Variants in SLC12A7 observed in about 807,000 individuals in gnomAD.
SLC12A7 encodes the protein solute carrier family 12 member 7, also known as K-Cl cotransporter 4.
A neutral mutation model predicts 120.6 loss-of-function variants in SLC12A7; 100 were observed. The ratio of observed to expected loss-of-function variants is 0.83; its 90% CI spans 0.71 to 0.98. The LOEUF is 0.98. Ranked by LOEUF, SLC12A7 falls within the 50% of genes least tolerant of loss-of-function variation. The probability of loss-of-function intolerance (pLI) is 0.00; values close to 1 mark genes in which losing one functional copy is unlikely to be tolerated. For missense variants in SLC12A7, 1,373 were observed against 1,548.1 expected (o/e 0.89, Z 1.90); for synonymous variants, 760 against 678.0 (o/e 1.12, Z -1.88).
chr5:1,051,098 C>A lies in SLC12A7; in HGVS notation c.*1262G>T. 1 of 396,324 alleles carries A rather than the reference C, an allele frequency of 2.5e-6. No individual in the cohort carries two copies. The highest frequency in any genetic ancestry group is 4.4e-6 in the Non-Finnish European group (1 of 225,184). The allele number at this position is 396,324 out of a possible 1,614,324, so 24.6% of individuals were successfully genotyped here. A position where few individuals can be genotyped will look rare whatever the true frequency, so the allele number is the denominator to read the frequency against. On this transcript the variant is annotated 3_prime_UTR_variant, in exon 24 of 24. Coordinates refer to ENST00000264930, the MANE Select transcript of SLC12A7 (RefSeq NM_006598.3). The stretch of plus-strand genomic sequence containing the variant: ...AGGGAGGCCCAAGTCGGTGCCACTG[C>A]CCGCAGCCTGCAAATGTGACCACAA...
intron 1 of SLC12A7, among the ~76,000 whole-genome samples, chr5:1,110,789 C>T (rs1437428752): frequency 6.6e-6 from 1 of 152,230 alleles, no homozygotes; most frequent in Non-Finnish European, 1.5e-5. Flanking sequence ...GGCCTCTGTG[C>T]AGAGGAAGCT....
the SLC12A7 span, among the ~76,000 whole-genome samples, chr5:1,152,824 C>G: frequency 3.9e-5 from 6 of 152,130 alleles, no homozygotes; most frequent in Non-Finnish European, 1.5e-5. Context: ...CTGACTTATC[C>G]CTGGGGCCTG....
intron 18 of SLC12A7, 126 bp downstream of exon 18, chr5:1,065,157 C>T (rs578155963): frequency 1.4e-4 from 109 of 754,780 alleles, no homozygotes; most frequent in Non-Finnish European, 1.8e-4. Flanking sequence ...ACAGTGGGGA[C>T]GAAAAGGGGA....
intron 17 of SLC12A7, among the ~76,000 whole-genome samples, chr5:1,068,573 G>A (rs186184758): frequency 5.9e-5 from 9 of 152,374 alleles, no homozygotes; most frequent in South Asian, 2.1e-4. Flanking sequence ...AAGGGAAGGC[G>A]GGGCCTGCGG....
intron 21 of SLC12A7, among the ~76,000 whole-genome samples, chr5:1,058,806 A>T (rs980485904): frequency 2.0e-5 from 3 of 152,138 alleles, no homozygotes; most frequent in African/African-American, 7.2e-5. Context: ...CTCTCGGCAG[A>T]GCCAGCGCCG....
rs923262323 is a variant in SLC12A7 at position 1,050,793 on chromosome 5, G to T, written c.*1567C>A. The T allele has an allele frequency of 7.5e-6, 3 of 398,346 alleles. No individual in the cohort carries two copies. The highest frequency in any genetic ancestry group is 6.2e-5 in the African/African-American group (3 of 48,630). The allele number at this position is 398,346 out of a possible 1,614,324, so 24.7% of individuals were successfully genotyped here. A position where few individuals can be genotyped will look rare whatever the true frequency, so the allele number is the denominator to read the frequency against. Reference sequence around the variant, plus strand: ...GAGGCTGTGGGAACTGCTGAGCCCCGCTGTGATGTCTGGGACACGCTCTGG... The same window carrying T: ...GAGGCTGTGGGAACTGCTGAGCCCCTCTGTGATGTCTGGGACACGCTCTGG... On this transcript the variant is annotated 3_prime_UTR_variant, in exon 24 of 24. Transcript: ENST00000264930.
the SLC12A7 span, among the ~76,000 whole-genome samples, chr5:1,125,857 G>A: frequency 2.7e-5 from 4 of 149,458 alleles, no homozygotes; most frequent in East Asian, 4.0e-4. Flanking sequence ...CCTGGGAGGC[G>A]GAAGTTGCAG....
At chr5:1,154,855 T>C in the SLC12A7 span, among the ~76,000 whole-genome samples, 1 of 152,192 alleles carries the variant, frequency 6.6e-6, no homozygotes, top group Non-Finnish European at 1.5e-5. Context: ...ACCCTGGCCA[T>C]GCCAGGCGGG....
intron 1 of SLC12A7, among the ~76,000 whole-genome samples, chr5:1,107,561 G>A (rs987355408): frequency 2.0e-5 from 3 of 152,286 alleles, no homozygotes; most frequent in East Asian, 1.9e-4. Flanking sequence ...GACATTCACC[G>A]ATCCCCAGCA....
intron 1 of SLC12A7, among the ~76,000 whole-genome samples, chr5:1,108,762 G>A (rs940555571): frequency 3.9e-5 from 6 of 152,214 alleles, no homozygotes; most frequent in African/African-American, 1.4e-4. Context: ...AGGCGAGGAC[G>A]GCCCAGGACA....
intron 9 of SLC12A7, among the ~76,000 whole-genome samples, chr5:1,081,059 C>CAG (rs200842557): frequency 7.2e-4 from 32 of 44,526 alleles, no homozygotes; most frequent in Admixed American, 6.3e-3. Context: ...AAGAGGGAGA[C>CAG]AGAGAGAGAG....
chr5:1,119,761 G>A, the SLC12A7 span, among the ~76,000 whole-genome samples: 3 of 152,246 alleles, frequency 2.0e-5, no homozygotes, highest in Non-Finnish European at 2.9e-5. Context: ...ACCAGAACAC[G>A]CCCGATTCCT....
chr5:1,108,029 T>TACACACACAC (rs59652318), intron 1 of SLC12A7, among the ~76,000 whole-genome samples: 16,806 of 151,206 alleles, frequency 0.11, 2,082 homozygotes, highest in African/African-American at 0.29. Flanking sequence ...AACACACACA[T>TACACACACAC]ACACACACAC....
At chr5:1,120,782 G>A in the SLC12A7 span, among the ~76,000 whole-genome samples, 2 of 152,246 alleles carry the variant, frequency 1.3e-5, no homozygotes, top group Middle Eastern at 6.8e-3. Flanking sequence ...GCAGGAGGAG[G>A]TCGGCATGAT....
At chr5:1,136,217 G>A in the SLC12A7 span, among the ~76,000 whole-genome samples, 2 of 152,142 alleles carry the variant, frequency 1.3e-5, no homozygotes, top group Admixed American at 1.3e-4. Context: ...CCGTGCAATA[G>A]AGGGAAACAC....
In SLC12A7 at chr5:1,060,438, A is replaced by G; in HGVS notation, c.2753T>C (p.Ile918Thr). The change falls in exon 21 of 24, where the codon ATA (isoleucine) becomes ACA (threonine). Residue 918 changes from isoleucine to threonine, a missense_variant. Coordinates refer to ENST00000264930, the MANE Select transcript of SLC12A7 (RefSeq NM_006598.3). ...TGTCCTCTCGTAGGTGAAAGCAGAT[A>G]TGTCGTTTTCAACCTAGAAAGTTCC... is the stretch of plus-strand genomic sequence containing the variant. Reference protein sequence around the residue: ...VEVVEMVENDISAFTYERTLM... With the variant: ...VEVVEMVENDTSAFTYERTLM... The G allele has an allele frequency of 6.2e-7, 1 of 1,613,262 alleles. No individual in the cohort carries two copies. Among genetic ancestry groups the G allele is most frequent in the Non-Finnish European group, 8.5e-7 (1 of 1,179,586 alleles).
At chr5:1,153,734 A>C in the SLC12A7 span, among the ~76,000 whole-genome samples, 2 of 152,224 alleles carry the variant, frequency 1.3e-5, no homozygotes, top group Non-Finnish European at 1.5e-5. Context: ...GGCGACCTGC[A>C]GAATCACCAG....
chr5:1,076,871 T>G (rs1020628756), intron 12 of SLC12A7, 59 bp from the exon 13 acceptor site: 27 of 1,204,126 alleles, frequency 2.2e-5, no homozygotes, highest in Non-Finnish European at 3.2e-5. Context: ...GGAGAGAAGC[T>G]GCAGGCTGGT....
chr5:1,059,901 T>C (rs1475329236), intron 21 of SLC12A7, among the ~76,000 whole-genome samples: 1 of 152,282 alleles, frequency 6.6e-6, no homozygotes. Flanking sequence ...CTCCACGGTT[T>C]CAGGCTGTGA....
Sources: gnomAD v4.1 joint callset for allele counts (sites outside exome capture counted in the v4.1 genomes callset) on GRCh38, gnomAD v4.1.1 for gene constraint, MANE v1.5 for transcripts, NCBI Gene and HGNC (gene_info 2026-07-23, HGNC 2026-07-21) for gene names.